ZNF214: variants seen among roughly 807,000 people sequenced by gnomAD.
The protein encoded by ZNF214 is zinc finger protein 214.
In ZNF214, 43 loss-of-function variants were observed where a neutral mutation model predicts 53.9. That is an observed-to-expected ratio of 0.80 (90% confidence interval 0.63 to 1.03). ZNF214 has a LOEUF of 1.03. ZNF214 is among the 50% of genes least tolerant of loss of function. ZNF214 has a pLI of 0.00. For synonymous variants in ZNF214, 217 were observed against 229.5 expected, an observed-to-expected ratio of 0.95 and a Z score of 0.49; for missense variants, 724 against 719.1, an observed-to-expected ratio of 1.01 and a Z score of -0.08.
At position 7,001,130 on chromosome 11, in the gene ZNF214, T is replaced by C; in HGVS notation, c.553A>G (p.Ile185Val). ...ACTGGGATATAAGAATGCTGAACTATGAGCTTCTGTTCTTTTTCCATGGAG... is the reference window on the plus strand; with the variant it reads ...ACTGGGATATAAGAATGCTGAACTACGAGCTTCTGTTCTTTTTCCATGGAG... ...NLSMEKEQKL[I>V]VQHSYIPVEE... Residue 185 changes from isoleucine (I) to valine (V), a missense_variant, in exon 3 of 3, where the codon ATA becomes GTA. Physicochemically the swap from Ile to Val is conservative, Grantham distance 29 (BLOSUM62 3). Transcript: ENST00000278314. The C allele has an allele frequency of 1.2e-6, 2 of 1,613,098 alleles. No homozygotes were observed. The highest frequency in any genetic ancestry group is 8.5e-7 in the Non-Finnish European group (1 of 1,179,328).
chr11:7,014,714 C>A (rs1194894288), intron 1 of ZNF214, among the ~76,000 whole-genome samples: 3 of 151,442 alleles, frequency 2.0e-5, no homozygotes, highest in African/African-American at 7.3e-5. Flanking sequence ...CACCTATAAT[C>A]CCAGCACTTT....
In ZNF214 at chr11:7,000,383, T is replaced by G; in HGVS notation, c.1300A>C (p.Arg434=). ...TQRSNLQIHQ[R]VHTGEKPYKC... The stretch of plus-strand genomic sequence containing the variant: ...TAAGGTTTCTCTCCTGTATGCACTC[T>G]CTGATGAATTTGAAGATTTGAGCGC... Residue 434 remains arginine (R), a synonymous_variant, in exon 3 of 3, where the codon AGA becomes CGA. Transcript: ENST00000278314. 3 of 1,613,442 alleles carry G rather than the reference T, an allele frequency of 1.9e-6. No homozygotes were observed. The highest frequency in any genetic ancestry group is 2.5e-6 in the Non-Finnish European group (3 of 1,179,602).
rs1851300825 is a variant in ZNF214, at chr11:7,000,355, T to G, written c.1328A>C (p.Lys443Thr). Residue 443 changes from lysine to threonine, a missense_variant, in exon 3 of 3, where the codon AAA becomes ACA. Lys to Thr is a moderately conservative substitution (Grantham distance 78). Coordinates refer to ENST00000278314, the MANE Select transcript of ZNF214 (RefSeq NM_013249.4). ...QRVHTGEKPY[K>T]CDDCGKDFSH... Reference sequence around the variant, plus strand: ...AAAGTCCTTTCCACAGTCATCACATTTATAAGGTTTCTCTCCTGTATGCAC... The same window carrying G: ...AAAGTCCTTTCCACAGTCATCACATGTATAAGGTTTCTCTCCTGTATGCAC... The G allele has an allele frequency of 6.8e-6, 11 of 1,613,374 alleles. No homozygotes were observed. The highest frequency in any genetic ancestry group is 8.5e-6 in the Non-Finnish European group (10 of 1,179,572).
intron 1 of ZNF214, among the ~76,000 whole-genome samples, chr11:7,015,123 G>A (rs1333421521): frequency 4.4e-5 from 6 of 136,624 alleles, no homozygotes; most frequent in African/African-American, 1.7e-4. Context: ...ACAGAGTCTC[G>A]CTCTGTTGCC....
At chr11:7,003,242 A>T (rs919506974) in intron 1 of ZNF214, among the ~76,000 whole-genome samples, 4 of 152,050 alleles carry the variant, frequency 2.6e-5, no homozygotes, top group African/African-American at 9.7e-5. Flanking sequence ...TGGTTATGTG[A>T]CAAAGCCATT....
chr11:7,001,308 G>T lies in ZNF214; in HGVS notation c.375C>A (p.Ser125Arg). Residue 125 changes from serine (S) to arginine (R), a missense_variant, in exon 3 of 3, where the codon AGC becomes AGA. Coordinates refer to ENST00000278314, the MANE Select transcript of ZNF214 (RefSeq NM_013249.4). The stretch of plus-strand genomic sequence containing the variant: ...TATATTTTAAGTTCCTGAGACTTTT[G>T]CTTTCAAAAGTCAGTTCATAGTTCC... ...GYGNYELTFE[S>R]KSLRNLKYKN... is the part of the protein sequence containing the mutation. 1.2e-6 allele frequency: 2 copies of T among 1,612,974 alleles called. No homozygotes were observed. The highest frequency in any genetic ancestry group is 1.7e-6 in the Non-Finnish European group (2 of 1,179,348).
intron 1 of ZNF214, among the ~76,000 whole-genome samples, chr11:7,011,938 G>T (rs1482973196): frequency 6.6e-6 from 1 of 152,042 alleles, no homozygotes; most frequent in Non-Finnish European, 1.5e-5. Flanking sequence ...TTCCAATAAA[G>T]AAGAAAGATT....
chr11:6,998,215 C>T lies in ZNF214; in HGVS notation c.*1647G>A, dbSNP rs988909. On this transcript the variant is annotated 3_prime_UTR_variant, in exon 3 of 3. Transcript: ENST00000278314. ...AGAGCTCTGTATCCACCCTCCCTTT[C>T]TGGTTTTGCAGATAACCAGAATTTT... 0.97 allele frequency among the ~76,000 whole-genome samples: 147,500 copies of T among 152,016 alleles called. 71,713 individuals are homozygous for T. The highest frequency in any genetic ancestry group is 1 in the East Asian group (5,166 of 5,166).
At chr11:7,013,470 G>C (rs1191287945) in intron 1 of ZNF214, among the ~76,000 whole-genome samples, 1 of 152,202 alleles carries the variant, frequency 6.6e-6, no homozygotes, top group Non-Finnish European at 1.5e-5. Context: ...TAAAGTAGCA[G>C]AACATGTTCC....
At chr11:7,011,226 A>G (rs752234696) in intron 1 of ZNF214, among the ~76,000 whole-genome samples, 1 of 152,094 alleles carries the variant, frequency 6.6e-6, no homozygotes, top group Non-Finnish European at 1.5e-5. Context: ...TACAAATAAA[A>G]TTAAATTACA....
In ZNF214 at chr11:7,000,809, A is replaced by G. The variant is rs1257130706; in HGVS notation, c.874T>C (p.Phe292Leu). Residue 292 changes from phenylalanine to leucine, a missense_variant, in exon 3 of 3, where the codon TTT becomes CTT. Physicochemically the swap from Phe to Leu is conservative, Grantham distance 22. Coordinates refer to ENST00000278314, the MANE Select transcript of ZNF214 (RefSeq NM_013249.4). ...GNFHQSSGVH[F>L]HQRVHIGEVP... ...TCCCCTATGTGAACTCTCTGATGAAAGTGAACTCCGGAGCTCTGATGAAAG... is the reference window on the plus strand; with the variant it reads ...TCCCCTATGTGAACTCTCTGATGAAGGTGAACTCCGGAGCTCTGATGAAAG... The G allele has an allele frequency of 6.2e-7, 1 of 1,611,292 alleles. No homozygotes were observed. Among genetic ancestry groups the G allele is most frequent in the Non-Finnish European group, 8.5e-7 (1 of 1,179,196 alleles).
At chr11:7,001,587 G>A in intron 2 of ZNF214, 32 bp from the exon 3 acceptor site, 1 of 1,543,298 alleles carries the variant, frequency 6.5e-7, no homozygotes, top group African/African-American at 1.4e-5. Context: ...CCCATGGTGA[G>A]ATAAAAGCTG....
chr11:7,000,505 T>G lies in ZNF214; in HGVS notation c.1178A>C (p.Lys393Thr), dbSNP rs149661199. The G allele has an allele frequency of 3.8e-5, 62 of 1,612,756 alleles. No homozygotes were observed. Among genetic ancestry groups the G allele is most frequent in the Non-Finnish European group, 5.1e-5 (60 of 1,179,348 alleles). The stretch of plus-strand genomic sequence containing the variant: ...AAGATTTGAGCTCTGGCTGAAACCC[T>G]TACCACACTCATCACACTTATATGG... ...EKPYKCDECG[K>T]GFSQSSNLRI... Residue 393 changes from lysine to threonine, a missense_variant, in exon 3 of 3, where the codon AAG becomes ACG. Lys to Thr is a moderately conservative substitution (Grantham distance 78). Coordinates refer to ENST00000278314, the MANE Select transcript of ZNF214 (RefSeq NM_013249.4).
At position 7,000,205 on chromosome 11, in the gene ZNF214, G is replaced by T. The variant is rs774171042; in HGVS notation, c.1478C>A (p.Thr493Asn). Residue 493 changes from threonine (T) to asparagine (N), a missense_variant, in exon 3 of 3, where the codon ACT becomes AAT. Physicochemically the swap from Thr to Asn is moderately conservative, Grantham distance 65. Transcript: ENST00000278314. ...TTCACATTTGTAGGGTTTCTCTCCA[G>T]TATGTACTCTTTGATGAGTGTGAAG... ...SKLHTHQRVHTGEKPYKCEEC... is the reference protein window; with the variant it reads ...SKLHTHQRVHNGEKPYKCEEC... The T allele has an allele frequency of 7.4e-6, 12 of 1,613,310 alleles. No homozygotes were observed. Among genetic ancestry groups the T allele is most frequent in the Non-Finnish European group, 9.3e-6 (11 of 1,179,614 alleles).
intron 1 of ZNF214, among the ~76,000 whole-genome samples, chr11:7,019,226 C>A (rs1320006833): frequency 2.0e-5 from 3 of 152,120 alleles, no homozygotes; most frequent in African/African-American, 7.2e-5. Flanking sequence ...CATATACTAA[C>A]TGGGTATGAC....
Position 7,001,571 on chromosome 11 carries a change from G to A in ZNF214, c.128-16C>T, listed in dbSNP as rs967395188. 1.9e-6 allele frequency: 3 copies of A among 1,574,508 alleles called. No homozygotes were observed. The highest frequency in any genetic ancestry group is 2.6e-6 in the Non-Finnish European group (3 of 1,164,112). On this transcript the variant is annotated splice_polypyrimidine_tract_variant and intron_variant, in intron 2 of 2. Coordinates refer to ENST00000278314, the MANE Select transcript of ZNF214 (RefSeq NM_013249.4). ...TTCCAGTTTTCTAGAAAAATAAAAAGATAATCCCATGGTGAGATAAAAGCT... is the reference window on the plus strand; with the variant it reads ...TTCCAGTTTTCTAGAAAAATAAAAAAATAATCCCATGGTGAGATAAAAGCT...
chr11:7,019,213 T>C (rs1295355093), intron 1 of ZNF214, among the ~76,000 whole-genome samples: 1 of 152,120 alleles, frequency 6.6e-6, no homozygotes, highest in Non-Finnish European at 1.5e-5. Flanking sequence ...TCATTAAATT[T>C]CCCATATACT....
chr11:7,000,997 T>C lies in ZNF214; in HGVS notation c.686A>G (p.Tyr229Cys), dbSNP rs762038608. ...CGCNKCKGIY[Y>C]WNSRCVFHKR... The stretch of plus-strand genomic sequence containing the variant: ...GTGGAAAACACACCGTGAGTTCCAA[T>C]AATAAATTCCTTTACATTTATTACA... The change falls in exon 3 of 3, where the codon TAT becomes TGT. Residue 229 changes from tyrosine (Y) to cysteine (C), a missense_variant. Coordinates refer to ENST00000278314, the MANE Select transcript of ZNF214 (RefSeq NM_013249.4). 9 of 1,613,016 alleles carry C rather than the reference T, an allele frequency of 5.6e-6. No individual in the cohort carries two copies. The African/African-American group carries it at 9.4e-5, about 17-fold the overall frequency.
At chr11:7,008,401 C>G (rs972427838) in intron 1 of ZNF214, among the ~76,000 whole-genome samples, 1 of 152,020 alleles carries the variant, frequency 6.6e-6, no homozygotes, top group Non-Finnish European at 1.5e-5. Flanking sequence ...CCACTGCACT[C>G]CAGCCTGCAA....
Sources: allele counts gnomAD v4.1 joint callset (sites outside exome capture counted in the v4.1 genomes callset), GRCh38; gene constraint gnomAD v4.1.1; transcripts MANE v1.5; gene names NCBI Gene and HGNC (gene_info 2026-07-23, HGNC 2026-07-21).